The following SYTL2 variants were observed in gnomAD, a reference collection of about 807,000 sequenced individuals.
SYTL2 encodes the protein synaptotagmin like 2, also known as synaptotagmin-like protein 2.
A neutral mutation model predicts 198.7 loss-of-function variants in SYTL2; 165 were observed. The ratio of observed to expected loss-of-function variants is 0.83; its 90% confidence interval spans 0.73 to 0.94. The LOEUF is 0.94. Ranked by LOEUF, SYTL2 falls within the 40% of genes least tolerant of loss-of-function variation. SYTL2 has a pLI of 0.00. For missense variants in SYTL2, 2,835 were observed against 2,582.8 expected (o/e 1.10, Z -2.12); for synonymous variants, 966 against 917.7 (o/e 1.05, Z -0.95).
chr11:85,745,850 C>T, intron 3 of SYTL2, 78 bp from the exon 4 acceptor site: 2 of 1,469,208 alleles, frequency 1.4e-6, no homozygotes, highest in South Asian at 1.3e-5. Context: ...GCTCTTATCA[C>T]TGAAGCCTTG....
chr11:85,789,893 A>G (rs1489029032), intron 1 of SYTL2, among the ~76,000 whole-genome samples: 1 of 152,160 alleles, frequency 6.6e-6, no homozygotes, highest in Non-Finnish European at 1.5e-5. Context: ...AGATCCTTCA[A>G]AACATATTAG....
chr11:85,726,696 A>C lies in SYTL2; in HGVS notation c.2662T>G (p.Ser888Ala), dbSNP rs560009552. 2.6e-6 allele frequency: 4 copies of C among 1,536,320 alleles called. No individual in the cohort carries two copies. The South Asian group carries it at 4.8e-5, about 18-fold the overall frequency. ...TGCTCAGCTGAAAGATAGTATCTGG[A>C]TGGACCTGCTATTTGTGGCTTGGTC... The part of the protein sequence containing the change: ...KETKPQIAGP[S>A]RYYLSAEQSD... The change falls in exon 8 of 20, where the codon TCC (serine) becomes GCC (alanine). Residue 888 changes from serine to alanine, a missense_variant. By Grantham distance (99) the Ser-to-Ala change is moderately conservative. This residue lies in a region of SYTL2 where 2,645 missense variants were observed against 2,381.7 expected (regional missense o/e 1.11). Coordinates refer to ENST00000359152, the MANE Select transcript of SYTL2 (RefSeq NM_206927.4).
At chr11:85,695,457 G>A in intron 19 of SYTL2, 117 bp from the exon 20 acceptor site, 2 of 752,022 alleles carry the variant, frequency 2.7e-6, no homozygotes, top group African/African-American at 1.7e-5. Flanking sequence ...TTTCTTCACT[G>A]GGAGGGCAGA....
chr11:85,695,416 A>G, intron 19 of SYTL2, 76 bp from the exon 20 acceptor site: 3 of 1,261,632 alleles, frequency 2.4e-6, no homozygotes, highest in Non-Finnish European at 3.2e-6. Flanking sequence ...TTATTCCCTA[A>G]TTATAACCAC....
At position 85,757,755 on chromosome 11, in the gene SYTL2, A is replaced by G. The variant is rs763548398; in HGVS notation, c.-30T>C. 25 of 1,606,536 alleles carry G rather than the reference A, an allele frequency of 1.6e-5. No homozygotes were observed. The highest frequency in any genetic ancestry group is 1.4e-5 in the Non-Finnish European group (17 of 1,179,438). On this transcript the variant is annotated 5_prime_UTR_variant, in exon 2 of 20. Transcript: ENST00000359152. Reference sequence around the variant, plus strand: ...AAAAGTGCATGCAAAAATAATAGCAACAAATGTGGCTCAAAATTCTCAGGG... The same window carrying G: ...AAAAGTGCATGCAAAAATAATAGCAGCAAATGTGGCTCAAAATTCTCAGGG...
intron 6 of SYTL2, among the ~76,000 whole-genome samples, chr11:85,735,365 A>G (rs950087881): frequency 6.6e-6 from 1 of 152,218 alleles, no homozygotes; most frequent in Non-Finnish European, 1.5e-5. Flanking sequence ...AAAGAAAAAC[A>G]TAGAAGTCAC....
intron 4 of SYTL2, 143 bp from the exon 5 acceptor site, chr11:85,737,799 C>G: frequency 1.4e-6 from 1 of 691,272 alleles, no homozygotes; most frequent in Non-Finnish European, 2.4e-6. Flanking sequence ...AGAATTATTC[C>G]CTATCCCAGG....
rs1458584236 is a variant in SYTL2, at chr11:85,727,159, T to A, written c.2199A>T (p.Arg733Ser). The change falls in exon 8 of 20, where the codon AGA becomes AGT. Residue 733 changes from arginine to serine, a missense_variant. Physicochemically the swap from Arg to Ser is moderately radical, Grantham distance 110 (BLOSUM62 -1). This residue lies in a region of SYTL2 where 2,645 missense variants were observed against 2,381.7 expected (regional missense o/e 1.11). Transcript: ENST00000359152. ...PGLKDNMNAE[R>S]KSKVGNTYIL... ...TATAGGTATTTCCTACTTTGCTCTT[T>A]CTCTCTGCATTCATGTTATCTTTCA... is the stretch of plus-strand genomic sequence containing the variant. The A allele has an allele frequency of 2.0e-6, 3 of 1,536,268 alleles. No homozygotes were observed. The African/African-American group carries it at 4.1e-5, about 21-fold the overall frequency.
intron 4 of SYTL2, among the ~76,000 whole-genome samples, chr11:85,738,722 T>C (rs1271841890): frequency 6.6e-6 from 1 of 152,226 alleles, no homozygotes; most frequent in Non-Finnish European, 1.5e-5. Context: ...TAGTCGATGC[T>C]ATGCTCAGTT....
chr11:85,842,016 G>C, the SYTL2 span, among the ~76,000 whole-genome samples: 1 of 152,154 alleles, frequency 6.6e-6, no homozygotes, highest in Non-Finnish European at 1.5e-5. Flanking sequence ...AAATATCTCT[G>C]ACCACCTTTT....
chr11:85,744,567 A>C (rs1432017761), intron 4 of SYTL2, among the ~76,000 whole-genome samples: 1 of 152,216 alleles, frequency 6.6e-6, no homozygotes, highest in Non-Finnish European at 1.5e-5. Flanking sequence ...TCCATTATCC[A>C]CATGATATAA....
In SYTL2 at chr11:85,727,050, C is replaced by A. The variant is rs1195456800; in HGVS notation, c.2308G>T (p.Val770Phe). 6.5e-7 allele frequency: 1 copy of A among 1,536,212 alleles called. No homozygotes were observed. The highest frequency in any genetic ancestry group is 8.7e-7 in the Non-Finnish European group (1 of 1,146,948). The change falls in exon 8 of 20, where the codon GTC (valine) becomes TTC (phenylalanine). Residue 770 changes from valine (V) to phenylalanine (F), a missense_variant. Physicochemically the swap from Val to Phe is conservative, Grantham distance 50 (BLOSUM62 -1). Coordinates refer to ENST00000359152, the MANE Select transcript of SYTL2 (RefSeq NM_206927.4). ...NNGSPWKKPE[V>F]QFQQEAGEVP... ...TCACCAGCTTCTTGCTGGAATTGGA[C>A]CTCAGGCTTCTTCCAAGGAGAGCCA...
At chr11:85,851,956 C>A in the SYTL2 span, among the ~76,000 whole-genome samples, 1 of 142,730 alleles carries the variant, frequency 7.0e-6, no homozygotes, top group East Asian at 2.1e-4. Context: ...TAGATCATAG[C>A]AAATTCCTGG....
chr11:85,820,085 A>T, the SYTL2 span, among the ~76,000 whole-genome samples: 6 of 152,198 alleles, frequency 3.9e-5, no homozygotes, highest in African/African-American at 1.2e-4. Flanking sequence ...ATTTTCATCA[A>T]TGCCTATTTG....
In SYTL2 at chr11:85,704,434, C is replaced by T. The variant is rs527790137; in HGVS notation, c.6189+424G>A. On this transcript the variant is annotated intron_variant, in intron 16 of 19. Transcript: ENST00000359152. ...GAAAAAGACAAATTCACAATTGTAA[C>T]TCTCCTAGTAATTCACAGTACACAC... Among the ~76,000 whole-genome samples the T allele has an allele frequency of 8.5e-5, 13 of 152,210 alleles. No individual in the cohort carries two copies. In the South Asian group the frequency reaches 2.7e-3, roughly 32 times the overall value.
At chr11:85,792,812 T>A (rs1031841586) in intron 1 of SYTL2, among the ~76,000 whole-genome samples, 9 of 150,344 alleles carry the variant, frequency 6.0e-5, no homozygotes, top group Non-Finnish European at 1.2e-4. Flanking sequence ...CAGAGTGTGA[T>A]GATCCCCTTC....
chr11:85,746,892 G>A (rs1462234271), intron 3 of SYTL2, among the ~76,000 whole-genome samples: 1 of 152,084 alleles, frequency 6.6e-6, no homozygotes, highest in Non-Finnish European at 1.5e-5. Context: ...CATAATCTCG[G>A]GCAAGTTACT....
intron 1 of SYTL2, among the ~76,000 whole-genome samples, chr11:85,796,710 C>T (rs2092809037): frequency 6.6e-6 from 1 of 152,210 alleles, no homozygotes; most frequent in Non-Finnish European, 1.5e-5. Context: ...GAAAGATCAA[C>T]TGTTTCCCCA....
the SYTL2 span, among the ~76,000 whole-genome samples, chr11:85,839,423 A>C: frequency 1.3e-5 from 2 of 152,156 alleles, no homozygotes; most frequent in Non-Finnish European, 2.9e-5. Context: ...CATCTGAAGG[A>C]TAGTTACCAG....
Sources: gnomAD v4.1 joint callset for allele counts (sites outside exome capture counted in the v4.1 genomes callset) on GRCh38, gnomAD v4.1.1 for gene constraint, gnomAD v4.1.1 regional missense constraint, MANE v1.5 for transcripts, NCBI Gene and HGNC (gene_info 2026-07-23, HGNC 2026-07-21) for gene names.